MYO1F: variants seen among roughly 807,000 people sequenced by gnomAD.
The protein encoded by MYO1F is myosin IF, also known as unconventional myosin-If.
Under a neutral mutation model 146.6 loss-of-function variants are expected in MYO1F, and 60 were observed. That is an observed-to-expected ratio of 0.41 (90% CI 0.33 to 0.51). The LOEUF is 0.51. MYO1F is among the 20% of genes least tolerant of loss of function. MYO1F has a pLI of 0.25. For missense variants in MYO1F, 1,274 were observed against 1,534.3 expected (o/e 0.83, Z 2.83); for synonymous variants, 602 against 602.1 (o/e 1.00, Z 0.00).
In MYO1F at chr19:8,522,738, C is replaced by T. The variant is rs1244428885; in HGVS notation, c.2946G>A (p.Arg982=). The T allele has an allele frequency of 1.2e-6, 2 of 1,612,686 alleles. No individual in the cohort carries two copies. Among genetic ancestry groups the T allele is most frequent in the South Asian group, 2.2e-5 (2 of 90,964 alleles). The part of the protein sequence containing the change: ...MSGGGTHRPP[R]GPPSTSLGAS... ...CTCCCAGGGATGTGGACGGAGGGCC[C>T]CGGGGAGGCCTGTGGGTGCCCCCTC... is the stretch of plus-strand genomic sequence containing the variant. The change falls in exon 26 of 28, where the codon CGG becomes CGA. Residue 982 remains arginine, a synonymous_variant. Transcript: ENST00000644032.
At chr19:8,568,205 C>G (rs936059006) in intron 1 of MYO1F, among the ~76,000 whole-genome samples, 1 of 151,826 alleles carries the variant, frequency 6.6e-6, no homozygotes, top group Non-Finnish European at 1.5e-5. Context: ...GGGTGGATCA[C>G]GAGGTCAGGA....
intron 25 of MYO1F, among the ~76,000 whole-genome samples, chr19:8,523,695 C>A (rs930054555): frequency 6.6e-6 from 1 of 151,978 alleles, no homozygotes; most frequent in South Asian, 2.1e-4. Flanking sequence ...TGCTCTGTGG[C>A]CCAGGATGGA....
At chr19:8,563,181 T>A (rs1212554950) in intron 1 of MYO1F, among the ~76,000 whole-genome samples, 1 of 151,782 alleles carries the variant, frequency 6.6e-6, no homozygotes, top group Non-Finnish European at 1.5e-5. Context: ...TTAGTATGGA[T>A]GGGGTTTCAC....
chr19:8,522,353 C>T (rs1438167657), intron 27 of MYO1F, 24 bp downstream of exon 27: 1 of 1,613,784 alleles, frequency 6.2e-7, no homozygotes, highest in East Asian at 2.2e-5. Context: ...CCCCTCACCC[C>T]AGCTTCTGCC....
At chr19:8,544,041 C>CTGGTGGTGGTGG (rs1192452702) in intron 14 of MYO1F, 4 of 212,526 alleles carry the variant, frequency 1.9e-5, no homozygotes, top group Admixed American at 9.1e-5. Flanking sequence ...GGTGGCGGTG[C>CTGGTGGTGGTGG]TGGTGGTGGT....
intron 10 of MYO1F, 86 bp from the exon 11 acceptor site, chr19:8,548,403 C>G (rs1973462618): frequency 8.0e-7 from 1 of 1,251,186 alleles, no homozygotes. Context: ...CACGCCTAGC[C>G]AACTTCATGG....
At chr19:8,574,565 TTCTTTCTTTCTTTCTCTCTCTCTCTC>T (rs2042174426) in intron 1 of MYO1F, among the ~76,000 whole-genome samples, 1 of 86,172 alleles carries the variant, frequency 1.2e-5, no homozygotes, top group Admixed American at 1.1e-4. Flanking sequence ...CTTTCTTTCT[TTCTTTCTTTCTTTCTCTCTCTCTCTC>T]TCTCTCTTTC....
intron 19 of MYO1F, among the ~76,000 whole-genome samples, chr19:8,531,207 C>T (rs1316899471): frequency 4.6e-5 from 7 of 151,454 alleles, no homozygotes; most frequent in Non-Finnish European, 4.4e-5. Flanking sequence ...ATTAGCCGGG[C>T]ATGGTGGCAC....
rs1003542097 is a variant in MYO1F, at chr19:8,577,374, A to T, written c.-65T>A. 2 of 1,600,192 alleles carry T rather than the reference A, an allele frequency of 1.2e-6. No individual in the cohort carries two copies. The highest frequency in any genetic ancestry group is 1.3e-5 in the African/African-American group (1 of 74,752). On this transcript the variant is annotated 5_prime_UTR_variant, in exon 1 of 28. It removes the in-frame stop codon of an upstream open reading frame in the 5' UTR. Coordinates refer to ENST00000644032, the MANE Select transcript of MYO1F (RefSeq NM_012335.4). This position sits in a 1 kb window ranked among gnomAD's most constrained non-coding sequence, Gnocchi z 4.3. ...TGGGTCGTGATGGAGGTGCAGGTTC[A>T]GGGGGATCTTGGGGGTGGCTTGGGC...
chr19:8,526,654 C>T, intron 23 of MYO1F, 53 bp from the exon 24 acceptor site: 1 of 1,558,680 alleles, frequency 6.4e-7, no homozygotes, highest in Non-Finnish European at 8.7e-7. Flanking sequence ...CCCGCCCCAC[C>T]CAACTCTCGC....
intron 15 of MYO1F, 184 bp downstream of exon 15, chr19:8,541,722 C>T: frequency 3.1e-6 from 2 of 649,292 alleles, no homozygotes; most frequent in Non-Finnish European, 5.6e-6. Flanking sequence ...AGCCACTGCG[C>T]CCGGCCTCTG....
intron 16 of MYO1F, among the ~76,000 whole-genome samples, chr19:8,537,843 C>T (rs375587564): frequency 2.6e-5 from 4 of 152,268 alleles, no homozygotes; most frequent in African/African-American, 9.6e-5. Context: ...GATCAACTGC[C>T]TTAGCCTCCG....
intron 17 of MYO1F, 52 bp downstream of exon 17, chr19:8,536,897 G>A: frequency 2.5e-6 from 3 of 1,202,334 alleles, no homozygotes; most frequent in Non-Finnish European, 3.5e-6. Flanking sequence ...AGTTCTAGGG[G>A]TAACTGCAGG....
At chr19:8,536,661 G>GGGCTGGTAACAGATAAGCCAC in intron 17 of MYO1F, 64 bp from the exon 18 acceptor site, 1 of 371,566 alleles carries the variant, frequency 2.7e-6, no homozygotes, top group South Asian at 1.9e-5. Flanking sequence ...GGGTGGGTGG[G>GGGCTGGTAACAGATAAGCCAC]AGGTGCTGGA....
intron 13 of MYO1F, among the ~76,000 whole-genome samples, chr19:8,545,009 C>T (rs1444351657): frequency 6.6e-6 from 1 of 152,090 alleles, no homozygotes; most frequent in Non-Finnish European, 1.5e-5. Flanking sequence ...AACTCTTGGC[C>T]TCAGGTGATC....
chr19:8,545,605 AG>A, intron 13 of MYO1F, 44 bp downstream of exon 13: 1 of 1,492,218 alleles, frequency 6.7e-7, no homozygotes, highest in Non-Finnish European at 9.4e-7. Flanking sequence ...GACTCAGCTC[AG>A]GGGACCAGTG....
At chr19:8,525,289 G>A in intron 25 of MYO1F, 190 bp downstream of exon 25, 1 of 588,448 alleles carries the variant, frequency 1.7e-6, no homozygotes, top group African/African-American at 1.9e-5. Flanking sequence ...GCTGGGTTTG[G>A]GTTTTGAAGG....
rs570138763 is a variant in MYO1F, at chr19:8,555,807, A to G, written c.4-11T>C. 3.4e-5 allele frequency: 55 copies of G among 1,608,970 alleles called. No individual in the cohort carries two copies. The South Asian group carries it at 5.3e-4, about 15-fold the overall frequency. On this transcript the variant is annotated splice_polypyrimidine_tract_variant and intron_variant, in intron 1 of 27. Transcript: ENST00000644032. ...GCGCTCCTTGCTGCCCTGGGGGGTG[A>G]GAGGGGGGTCGGGGTGAGCCCTTGC...
At position 8,562,861 on chromosome 19, in the gene MYO1F, G is replaced by A. The variant is rs1013655319; in HGVS notation, c.4-7065C>T. 3.9e-5 allele frequency among the ~76,000 whole-genome samples: 6 copies of A among 152,254 alleles called. No homozygotes were observed. The South Asian group carries it at 8.3e-4, about 21-fold the overall frequency. Reference sequence around the variant, plus strand: ...GTTAAACATTTTGGAAACTCACTTCGTTGAAAGTCATGCCGGTGGTGGCGT... The same window carrying A: ...GTTAAACATTTTGGAAACTCACTTCATTGAAAGTCATGCCGGTGGTGGCGT... On this transcript the variant is annotated intron_variant, in intron 1 of 27. Transcript: ENST00000644032.
Sources: gnomAD v4.1 joint callset for allele counts (sites outside exome capture counted in the v4.1 genomes callset) on GRCh38, gnomAD v4.1.1 for gene constraint, Gnocchi (gnomAD v3.1) non-coding constraint, MANE v1.5 for transcripts, NCBI Gene and HGNC (gene_info 2026-07-23, HGNC 2026-07-21) for gene names.